The following MEOX2 variants were observed in gnomAD, a reference collection of about 807,000 sequenced individuals.
MEOX2 encodes mesenchyme homeobox 2, also known as homeobox protein MOX-2.
In MEOX2, 11 loss-of-function variants were observed where a neutral mutation model predicts 27.0. That is an observed-to-expected ratio of 0.41 (90% confidence interval 0.26 to 0.68). MEOX2 has a LOEUF of 0.68. Among genes scored for constraint, MEOX2 ranks in the 30% least tolerant of loss-of-function variants. The probability of loss-of-function intolerance (pLI) is 0.33; values close to 1 mark genes in which losing one functional copy is unlikely to be tolerated. For synonymous variants in MEOX2, 189 were observed against 155.4 expected, an observed-to-expected ratio of 1.22 and a Z score of -1.61; for missense variants, 436 against 385.4, an observed-to-expected ratio of 1.13 and a Z score of -1.10.
intron 1 of MEOX2, among the ~76,000 whole-genome samples, chr7:15,641,184 G>C (rs986648470): frequency 6.6e-6 from 1 of 151,884 alleles, no homozygotes; most frequent in Non-Finnish European, 1.5e-5. Context: ...TTTTATTACT[G>C]ATTCAATTTC....
At chr7:15,642,032 G>T (rs970324933) in intron 1 of MEOX2, among the ~76,000 whole-genome samples, 17 of 151,872 alleles carry the variant, frequency 1.1e-4, no homozygotes, top group African/African-American at 4.1e-4. Flanking sequence ...TTTCTTTATC[G>T]GTCTTTAAGA....
chr7:15,667,641 A>G (rs1782030905), intron 1 of MEOX2, among the ~76,000 whole-genome samples: 1 of 152,134 alleles, frequency 6.6e-6, no homozygotes, highest in Admixed American at 6.5e-5. Context: ...GTAGGCTACA[A>G]TTTGAAATGA....
intron 1 of MEOX2, among the ~76,000 whole-genome samples, chr7:15,659,158 T>C (rs1433940372): frequency 6.6e-6 from 1 of 152,160 alleles, no homozygotes; most frequent in East Asian, 1.9e-4. Flanking sequence ...TGCCAGCATG[T>C]CTGGCTATTT....
At chr7:15,678,967 A>G (rs1407171954) in intron 1 of MEOX2, 3 of 152,220 alleles carry the variant, frequency 2.0e-5, no homozygotes, top group Non-Finnish European at 4.4e-5. Flanking sequence ...ATAAAGAGGA[A>G]AAACAAAAGA....
chr7:15,614,157 G>T (rs1781083940), intron 2 of MEOX2, among the ~76,000 whole-genome samples: 2 of 150,316 alleles, frequency 1.3e-5, no homozygotes, highest in Non-Finnish European at 3.0e-5. Context: ...AGTTTTAAAG[G>T]TTGCCTTTTC....
At chr7:15,621,989 G>C (rs374995776) in intron 2 of MEOX2, among the ~76,000 whole-genome samples, 80 of 152,090 alleles carry the variant, frequency 5.3e-4, no homozygotes, top group African/African-American at 1.9e-3. Context: ...ATGGTAGCAG[G>C]TGCCTGTAAT....
chr7:15,658,538 C>G (rs750403230), intron 1 of MEOX2, among the ~76,000 whole-genome samples: 3 of 152,034 alleles, frequency 2.0e-5, no homozygotes, highest in Non-Finnish European at 4.4e-5. Context: ...GGCAAAAAAG[C>G]AAAAAGAGAA....
intron 1 of MEOX2, among the ~76,000 whole-genome samples, chr7:15,630,496 T>C (rs1006645492): frequency 1.3e-5 from 2 of 152,050 alleles, no homozygotes; most frequent in African/African-American, 4.8e-5. Flanking sequence ...ACGTATTAGC[T>C]CGTTTAAATG....
At chr7:15,648,279 A>G (rs546538931) in intron 1 of MEOX2, among the ~76,000 whole-genome samples, 1 of 152,160 alleles carries the variant, frequency 6.6e-6, no homozygotes, top group Non-Finnish European at 1.5e-5. Flanking sequence ...AATGAGCATT[A>G]TTTAAATGAA....
At chr7:15,626,017 C>T (rs759129884) in intron 2 of MEOX2, among the ~76,000 whole-genome samples, 1 of 152,112 alleles carries the variant, frequency 6.6e-6, no homozygotes, top group Non-Finnish European at 1.5e-5. Flanking sequence ...GAAATATTTA[C>T]CAATGATCTA....
chr7:15,636,578 T>A (rs1315459258), intron 1 of MEOX2, among the ~76,000 whole-genome samples: 1 of 152,012 alleles, frequency 6.6e-6, no homozygotes, highest in Non-Finnish European at 1.5e-5. Flanking sequence ...TTGTGATTGT[T>A]TTTTGCAAAG....
chr7:15,634,413 T>G (rs1781451041), intron 1 of MEOX2, among the ~76,000 whole-genome samples: 1 of 152,016 alleles, frequency 6.6e-6, no homozygotes, highest in Non-Finnish European at 1.5e-5. Flanking sequence ...GTTCTCCCAG[T>G]CCAATTTGAA....
At chr7:15,614,281 C>T (rs1190261354) in intron 2 of MEOX2, among the ~76,000 whole-genome samples, 1 of 151,388 alleles carries the variant, frequency 6.6e-6, no homozygotes, top group African/African-American at 2.4e-5. Context: ...GGTGGGATGG[C>T]ATAGTGCCTG....
chr7:15,640,314 A>T (rs1781540341), intron 1 of MEOX2, among the ~76,000 whole-genome samples: 1 of 151,532 alleles, frequency 6.6e-6, no homozygotes, highest in South Asian at 2.1e-4. Context: ...TGGGTCATTG[A>T]TTCAGTTCTG....
chr7:15,657,131 T>C (rs1168557795), intron 1 of MEOX2, among the ~76,000 whole-genome samples: 1 of 152,192 alleles, frequency 6.6e-6, no homozygotes, highest in Non-Finnish European at 1.5e-5. Context: ...TCTTTGTCTT[T>C]AGTTTTCAGA....
intron 2 of MEOX2, among the ~76,000 whole-genome samples, chr7:15,616,095 A>T (rs929732577): frequency 1.3e-5 from 2 of 151,842 alleles, no homozygotes; most frequent in African/African-American, 4.8e-5. Flanking sequence ...CTGAATAGTT[A>T]ATTGCCAACA....
At chr7:15,676,570 T>C (rs920106450) in intron 1 of MEOX2, among the ~76,000 whole-genome samples, 6 of 152,234 alleles carry the variant, frequency 3.9e-5, no homozygotes, top group African/African-American at 1.2e-4. Context: ...TGTACACTCC[T>C]TTTAAAAAGT....
At chr7:15,628,709 C>G (rs1781355075) in intron 1 of MEOX2, among the ~76,000 whole-genome samples, 1 of 152,094 alleles carries the variant, frequency 6.6e-6, no homozygotes, top group African/African-American at 2.4e-5. Flanking sequence ...ACTTACCTGG[C>G]TGCAAGGATG....
At chr7:15,654,461 T>C (rs779276533) in intron 1 of MEOX2, among the ~76,000 whole-genome samples, 7 of 151,504 alleles carry the variant, frequency 4.6e-5, no homozygotes, top group Non-Finnish European at 8.9e-5. Context: ...TGAATAAGAG[T>C]GGTGAGGGAG....
Sources: allele counts gnomAD v4.1 joint callset (sites outside exome capture counted in the v4.1 genomes callset), GRCh38; gene constraint gnomAD v4.1.1; transcripts MANE v1.5; gene names NCBI Gene and HGNC (gene_info 2026-07-23, HGNC 2026-07-21).